CCDC7: variants seen among roughly 807,000 people sequenced by gnomAD.
The protein encoded by CCDC7 is coiled-coil domain containing 7, also known as coiled-coil domain-containing protein 7.
CCDC7 carries 183 observed loss-of-function variants against 196.9 expected under a neutral mutation model. The ratio of observed to expected loss-of-function variants is 0.93; its 90% CI spans 0.82 to 1.05. CCDC7 has a LOEUF of 1.05. Ranked by LOEUF, CCDC7 falls within the 50% of genes least tolerant of loss-of-function variation. The pLI is 0.00. For synonymous variants in CCDC7, 525 were observed against 484.6 expected, an observed-to-expected ratio of 1.08 and a Z score of -1.10; for missense variants, 1,540 against 1,482.2, an observed-to-expected ratio of 1.04 and a Z score of -0.64.
At chr10:32,841,815 C>T (rs943035175) in intron 33 of CCDC7, among the ~76,000 whole-genome samples, 3 of 152,092 alleles carry the variant, frequency 2.0e-5, no homozygotes, top group Non-Finnish European at 2.9e-5. Context: ...TACTTACAGC[C>T]GACAGATCTT....
chr10:32,793,348 A>C (rs1043393317), intron 29 of CCDC7, among the ~76,000 whole-genome samples: 3 of 152,156 alleles, frequency 2.0e-5, no homozygotes, highest in African/African-American at 7.2e-5. Context: ...GAAAGGGAGG[A>C]CATGGAATTA....
intron 9 of CCDC7, among the ~76,000 whole-genome samples, chr10:32,495,791 G>T (rs2042826905): frequency 6.6e-6 from 1 of 152,156 alleles, no homozygotes; most frequent in South Asian, 2.1e-4. Flanking sequence ...TTTGGTTACT[G>T]TAGCCTTGTA....
intron 13 of CCDC7, among the ~76,000 whole-genome samples, chr10:32,550,208 C>T (rs12360215): frequency 0.35 from 52,219 of 150,496 alleles, 11,418 homozygotes; most frequent in Non-Finnish European, 0.5. Flanking sequence ...TTTGATTTTC[C>T]GCTTGGTTGC....
chr10:32,835,822 C>A (rs1026010724), intron 33 of CCDC7, among the ~76,000 whole-genome samples: 10 of 151,838 alleles, frequency 6.6e-5, no homozygotes, highest in Admixed American at 5.9e-4. Flanking sequence ...CACTTGTACC[C>A]CGAACTTAAA....
intron 15 of CCDC7, among the ~76,000 whole-genome samples, chr10:32,571,006 CT>C (rs376971167): frequency 1.8e-4 from 24 of 131,374 alleles, no homozygotes; most frequent in African/African-American, 2.3e-4. Flanking sequence ...GGTCACTGGC[CT>C]TTTTTTTTTT....
exon 35 of CCDC7, chr10:32,845,599 A>T (rs752505788): frequency 8.1e-6 from 13 of 1,612,586 alleles, no homozygotes; most frequent in Non-Finnish European, 1.1e-5. Flanking sequence ...GAAGGAGTCA[A>T]CCACGACACA....
chr10:32,679,564 C>G (rs1176084875), intron 21 of CCDC7, among the ~76,000 whole-genome samples: 1 of 152,130 alleles, frequency 6.6e-6, no homozygotes, highest in Non-Finnish European at 1.5e-5. Context: ...ATTGTTTGAT[C>G]AGAGAGAGCC....
intron 9 of CCDC7, among the ~76,000 whole-genome samples, chr10:32,510,660 C>T (rs1177274937): frequency 6.6e-6 from 1 of 151,980 alleles, no homozygotes; most frequent in East Asian, 1.9e-4. Flanking sequence ...ATTGAGAGTA[C>T]AGTCATCATG....
intron 8 of CCDC7, among the ~76,000 whole-genome samples, chr10:32,482,869 A>C (rs12572405): frequency 1.3e-5 from 2 of 152,048 alleles, no homozygotes; most frequent in African/African-American, 4.8e-5. Context: ...TGGTGTATAC[A>C]TGCCACATTT....
intron 3 of CCDC7, among the ~76,000 whole-genome samples, chr10:32,458,557 C>T (rs2034902693): frequency 6.6e-6 from 1 of 150,624 alleles, no homozygotes; most frequent in South Asian, 2.1e-4. Context: ...AATCATAGCT[C>T]ACTGCAGCCT....
chr10:32,467,795 C>T (rs2037146205), intron 5 of CCDC7, among the ~76,000 whole-genome samples: 2 of 152,166 alleles, frequency 1.3e-5, no homozygotes, highest in South Asian at 2.1e-4. Context: ...TTTAAATCTT[C>T]GGCACTTGGT....
intron 16 of CCDC7, among the ~76,000 whole-genome samples, chr10:32,581,011 C>A (rs567605753): frequency 6.6e-6 from 1 of 152,124 alleles, no homozygotes; most frequent in South Asian, 2.1e-4. Flanking sequence ...ATAAATAGTG[C>A]CCTTGTACAT....
At chr10:32,510,573 C>T (rs1411348232) in intron 9 of CCDC7, among the ~76,000 whole-genome samples, 2 of 152,032 alleles carry the variant, frequency 1.3e-5, no homozygotes, top group African/African-American at 4.8e-5. Flanking sequence ...TTCATATCCC[C>T]AATTCATTGG....
At chr10:32,740,055 C>G (rs1377062634) in intron 28 of CCDC7, among the ~76,000 whole-genome samples, 1 of 152,150 alleles carries the variant, frequency 6.6e-6, no homozygotes, top group African/African-American at 2.4e-5. Flanking sequence ...GGAGTCTACA[C>G]TTCACAGGAG....
intron 26 of CCDC7, among the ~76,000 whole-genome samples, chr10:32,728,262 C>T (rs938036886): frequency 3.9e-5 from 6 of 152,070 alleles, no homozygotes; most frequent in South Asian, 2.1e-4. Flanking sequence ...GAAGGTTCTA[C>T]ATTTTTTTTA....
intron 29 of CCDC7, among the ~76,000 whole-genome samples, chr10:32,786,617 C>T (rs181974655): frequency 3.0e-4 from 46 of 152,156 alleles, no homozygotes; most frequent in Admixed American, 8.5e-4. Flanking sequence ...AAAAATTAGC[C>T]GGGCATGGTA....
intron 3 of CCDC7, among the ~76,000 whole-genome samples, chr10:32,461,447 A>G (rs377236520): frequency 6.6e-6 from 1 of 152,026 alleles, no homozygotes; most frequent in Non-Finnish European, 1.5e-5. Flanking sequence ...TTCAGTTTCT[A>G]TTGGTTTTTG....
chr10:32,715,023 C>T (rs528620475), intron 25 of CCDC7, among the ~76,000 whole-genome samples: 1 of 152,344 alleles, frequency 6.6e-6, no homozygotes, highest in East Asian at 1.9e-4. Context: ...AGCAGCAGAT[C>T]TCCCACACAG....
intron 11 of CCDC7, among the ~76,000 whole-genome samples, chr10:32,542,791 A>G (rs1352670703): frequency 2.0e-5 from 3 of 152,154 alleles, no homozygotes; most frequent in Non-Finnish European, 4.4e-5. Context: ...CAACCTATTC[A>G]ATGCTCACTT....
Sources: gnomAD v4.1 joint callset for allele counts (sites outside exome capture counted in the v4.1 genomes callset) on GRCh38, gnomAD v4.1.1 for gene constraint, MANE v1.5 for transcripts, NCBI Gene and HGNC (gene_info 2026-07-23, HGNC 2026-07-21) for gene names.